The following TRAP1 variants were observed in gnomAD, a reference collection of about 807,000 sequenced individuals.
TRAP1 encodes TNF receptor associated protein 1.
In TRAP1, 102 loss-of-function variants were observed where a neutral mutation model predicts 89.1. The observed-to-expected ratio is 1.15, with a 90% CI of 0.98 to 1.35. The LOEUF is 1.35. Ranked by LOEUF, TRAP1 falls within the 40% of genes most tolerant of loss-of-function variation. The probability of loss-of-function intolerance (pLI) is 0.00; values close to 1 mark genes in which losing one functional copy is unlikely to be tolerated. For missense variants in TRAP1, 1,256 were observed against 945.3 expected, an observed-to-expected ratio of 1.33 and a Z score of -4.31; for synonymous variants, 508 against 388.0, an observed-to-expected ratio of 1.31 and a Z score of -3.64.
At chr16:3,667,740 A>G in intron 11 of TRAP1, among the ~76,000 whole-genome samples, 1 of 150,896 alleles carries the variant, frequency 6.6e-6, no homozygotes, top group Non-Finnish European at 1.5e-5. Context: ...TATAAATAGT[A>G]TAAATATAAC....
intron 1 of TRAP1, among the ~76,000 whole-genome samples, chr16:3,692,245 G>C (rs1186847335): frequency 6.6e-6 from 1 of 152,154 alleles, no homozygotes; most frequent in East Asian, 1.9e-4. Context: ...TTAAAAATCA[G>C]CATATCAGCC....
chr16:3,690,366 C>T (rs2051196757), intron 2 of TRAP1, among the ~76,000 whole-genome samples: 1 of 152,030 alleles, frequency 6.6e-6, no homozygotes, highest in African/African-American at 2.4e-5. Context: ...AACAAGAAAA[C>T]CTCACTTCTC....
At chr16:3,689,189 C>G (rs748296338) in intron 2 of TRAP1, 52 bp from the exon 3 acceptor site, 3 of 1,433,600 alleles carry the variant, frequency 2.1e-6, no homozygotes, top group Non-Finnish European at 2.9e-6. Context: ...TATTTTTGTG[C>G]AAGAATACGC....
At chr16:3,706,971 G>A (rs976629760) in intron 1 of TRAP1, among the ~76,000 whole-genome samples, 4 of 152,140 alleles carry the variant, frequency 2.6e-5, no homozygotes, top group Admixed American at 6.6e-5. Context: ...AGGTCGCACC[G>A]TTTTACATTC....
At chr16:3,668,795 A>G (rs575133678) in intron 11 of TRAP1, among the ~76,000 whole-genome samples, 9 of 152,318 alleles carry the variant, frequency 5.9e-5, no homozygotes, top group Non-Finnish European at 1.3e-4. Flanking sequence ...TTCCACAACT[A>G]TGAGTGAGGA....
rs2051135233 is a variant in TRAP1 at position 3,686,106 on chromosome 16, T to C, written c.361A>G (p.Ser121Gly). 2 of 1,614,112 alleles carry C rather than the reference T, an allele frequency of 1.2e-6. No homozygotes were observed. ...TGACGCAGTTTTTCCAAGGCATCGC[T>C]GGCATTGGAGATCAGCTCCCGTATA... ...VFIRELISNA[S>G]DALEKLRHKL... The change falls in exon 4 of 18, where the codon AGC becomes GGC. Residue 121 changes from serine (S) to glycine (G), a missense_variant. Ser to Gly is a moderately conservative substitution (Grantham distance 56). Coordinates refer to ENST00000246957, the MANE Select transcript of TRAP1 (RefSeq NM_016292.3).
chr16:3,658,860 G>T lies in TRAP1; in HGVS notation c.1946C>A (p.Ala649Glu), dbSNP rs147353660. ...CAGCTGATTCAGCTTCTTGATGAGCGCGTGCCTGCAACACAGAACCCACCA... is the reference window on the plus strand; with the variant it reads ...CAGCTGATTCAGCTTCTTGATGAGCTCGTGCCTGCAACACAGAACCCACCA... ...QPTLEINPRH[A>E]LIKKLNQLRA... Residue 649 changes from alanine (A) to glutamate (E), a missense_variant, in exon 17 of 18, where the codon GCG becomes GAG. Transcript: ENST00000246957. The T allele has an allele frequency of 4.8e-5, 78 of 1,614,014 alleles. No individual in the cohort carries two copies. The African/African-American group carries it at 8.1e-4, about 17-fold the overall frequency.
intron 1 of TRAP1, among the ~76,000 whole-genome samples, chr16:3,704,904 G>A (rs1458966030): frequency 6.6e-6 from 1 of 151,414 alleles, no homozygotes. Flanking sequence ...AATTCCAGAT[G>A]GACCATAGAA....
Position 3,712,275 on chromosome 16 carries a change from G to T in TRAP1, c.88+5146C>A, listed in dbSNP as rs900968999. On this transcript the variant is annotated intron_variant, in intron 1 of 17. Coordinates refer to ENST00000246957, the MANE Select transcript of TRAP1 (RefSeq NM_016292.3). ...CTGCACTTCAGCCTGGCGACAGAAA[G>T]AATCTGTCTCAAAAAAAAAAAAAAA... Among the ~76,000 whole-genome samples the T allele has an allele frequency of 1.1e-3, 37 of 33,690 alleles. 1 individual carries two copies. Among genetic ancestry groups the T allele is most frequent in the Non-Finnish European group, 1.8e-3 (34 of 18,750 alleles). The allele number at this position is 33,690 out of a possible 152,430, so 22.1% of individuals were successfully genotyped here. A position where few individuals can be genotyped will look rare whatever the true frequency, so the allele number is the denominator to read the frequency against.
At chr16:3,665,286 G>A (rs1388227397) in intron 12 of TRAP1, 1 of 152,262 alleles carries the variant, frequency 6.6e-6, no homozygotes, top group African/African-American at 2.4e-5. Context: ...TGCTGCTGGG[G>A]AGAAGGGACA....
At chr16:3,697,607 C>G (rs183077817) in intron 1 of TRAP1, among the ~76,000 whole-genome samples, 2 of 145,226 alleles carry the variant, frequency 1.4e-5, no homozygotes, top group African/African-American at 2.6e-5. Flanking sequence ...GAGTTTGCAG[C>G]GAGCTGAGAT....
intron 11 of TRAP1, among the ~76,000 whole-genome samples, 165 bp downstream of exon 11, chr16:3,671,557 A>G (rs1180309744): frequency 6.6e-6 from 1 of 152,130 alleles, no homozygotes; most frequent in African/African-American, 2.4e-5. Context: ...TTCAGAGGCC[A>G]GGCCAGCACC....
chr16:3,715,994 C>A (rs542169622), intron 1 of TRAP1, among the ~76,000 whole-genome samples: 14 of 152,244 alleles, frequency 9.2e-5, no homozygotes, highest in Middle Eastern at 3.4e-3. Flanking sequence ...TCCCAAGAAG[C>A]TGGGATTACA....
Position 3,688,719 on chromosome 16 carries a change from A to G in TRAP1, c.330+336T>C, listed in dbSNP as rs562938706. ...GGCTGGTCTCAAACTCCTGGGCTCA[A>G]GTGATCCTCCTGCCTCGACCTCCCA... On this transcript the variant is annotated intron_variant, in intron 3 of 17. Coordinates refer to ENST00000246957, the MANE Select transcript of TRAP1 (RefSeq NM_016292.3). 1.6e-3 allele frequency among the ~76,000 whole-genome samples: 238 copies of G among 152,210 alleles called. No individual in the cohort carries two copies. The Middle Eastern group carries it at 0.044, about 28-fold the overall frequency.
intron 1 of TRAP1, among the ~76,000 whole-genome samples, chr16:3,710,879 A>T (rs144634997): frequency 0.65 from 82,301 of 125,716 alleles, 27,441 homozygotes; most frequent in African/African-American, 0.8. Context: ...ATATATATAT[A>T]TTTTTTTTTT....
intron 13 of TRAP1, chr16:3,664,063 A>AAAAAAAC: frequency 1.8e-6 from 1 of 544,578 alleles, no homozygotes; most frequent in South Asian, 2.8e-5. Flanking sequence ...ACTCCATCTC[A>AAAAAAAC]AAAAAACAAA....
At chr16:3,686,615 C>T (rs764884723) in intron 3 of TRAP1, among the ~76,000 whole-genome samples, 1 of 152,190 alleles carries the variant, frequency 6.6e-6, no homozygotes, top group Non-Finnish European at 1.5e-5. Context: ...CGGTGCCTGG[C>T]CCTTTTCAGG....
At chr16:3,683,209 T>A (rs1400412812) in intron 4 of TRAP1, among the ~76,000 whole-genome samples, 3 of 151,340 alleles carry the variant, frequency 2.0e-5, no homozygotes. Flanking sequence ...ACAAGGAAAG[T>A]CTGAGAAACT....
intron 1 of TRAP1, among the ~76,000 whole-genome samples, chr16:3,712,047 T>A (rs780999112): frequency 4.6e-5 from 7 of 152,090 alleles, no homozygotes; most frequent in Admixed American, 2.0e-4. Flanking sequence ...TCCCAGCACT[T>A]TGGGAGGCCA....
Sources: allele counts gnomAD v4.1 joint callset (sites outside exome capture counted in the v4.1 genomes callset), GRCh38; gene constraint gnomAD v4.1.1; transcripts MANE v1.5; gene names NCBI Gene and HGNC (gene_info 2026-07-23, HGNC 2026-07-21).